The following PCSK5 variants were observed in gnomAD, a reference collection of about 807,000 sequenced individuals.
PCSK5 encodes proprotein convertase subtilisin/kexin type 5, also known as prohormone convertase 5.
A neutral mutation model predicts 233.2 loss-of-function variants in PCSK5; 129 were observed. That is an observed-to-expected ratio of 0.55 (90% CI 0.48 to 0.64). The LOEUF is 0.64. PCSK5 is among the 30% of genes least tolerant of loss of function. PCSK5 has a pLI of 0.00. For missense variants in PCSK5, 2,076 were observed against 2,430.1 expected (o/e 0.85, Z 3.06); for synonymous variants, 825 against 879.2 (o/e 0.94, Z 1.09).
At chr9:76,293,100 T>A (rs889170235) in intron 25 of PCSK5, among the ~76,000 whole-genome samples, 1 of 152,168 alleles carries the variant, frequency 6.6e-6, no homozygotes, top group Non-Finnish European at 1.5e-5. Flanking sequence ...TACTGACAGG[T>A]CTACATTTGC....
At chr9:76,204,115 C>G (rs964233415) in intron 20 of PCSK5, among the ~76,000 whole-genome samples, 2 of 152,090 alleles carry the variant, frequency 1.3e-5, no homozygotes, top group East Asian at 1.9e-4. Context: ...CATTGTTGAT[C>G]CCTCTGCCTC....
intron 2 of PCSK5, among the ~76,000 whole-genome samples, chr9:75,964,226 G>A (rs1825479296): frequency 1.3e-5 from 2 of 152,132 alleles, no homozygotes; most frequent in Admixed American, 1.3e-4. Flanking sequence ...GAATACCAGG[G>A]AAATCTAAAT....
At chr9:76,179,045 A>G (rs1263250757) in intron 14 of PCSK5, among the ~76,000 whole-genome samples, 1 of 152,136 alleles carries the variant, frequency 6.6e-6, no homozygotes, top group Non-Finnish European at 1.5e-5. Context: ...TGTAGGATGC[A>G]ATTTTAAATC....
intron 1 of PCSK5, among the ~76,000 whole-genome samples, chr9:75,930,992 C>A (rs1189091303): frequency 2.6e-5 from 4 of 152,184 alleles, no homozygotes; most frequent in Non-Finnish European, 5.9e-5. Context: ...GCTTCCCCGC[C>A]TGCATTCCCC....
intron 5 of PCSK5, among the ~76,000 whole-genome samples, chr9:76,027,649 C>T (rs1828486189): frequency 6.7e-6 from 1 of 148,678 alleles, no homozygotes; most frequent in South Asian, 2.1e-4. Flanking sequence ...GAATGCAAAT[C>T]AACATTCACA....
At chr9:75,889,965 C>G (rs1242325786), upstream of PCSK5, among the ~76,000 whole-genome samples, 1 of 152,244 alleles carries the variant, frequency 6.6e-6, no homozygotes, top group Non-Finnish European at 1.5e-5. Context: ...TCGTCAGACG[C>G]AATCCAACAA....
At chr9:76,260,351 G>T (rs1053515781) in intron 24 of PCSK5, among the ~76,000 whole-genome samples, 45 of 152,322 alleles carry the variant, frequency 3.0e-4, no homozygotes, top group African/African-American at 1.0e-3. Flanking sequence ...TTGAAGATGA[G>T]ATTAAGGTTA....
At position 76,037,481 on chromosome 9, in the gene PCSK5, G is replaced by GATAAGATAATATTAT. The variant is rs1828913644; in HGVS notation, c.632+10444_632+10445insATAAGATAATATTAT. ...GTTGTTAATATTATTACAGGTGACA[G>GATAAGATAATATTAT]TAAGTAAAGATAAGGTTTTAGTCTA... On this transcript the variant is annotated intron_variant, in intron 5 of 37. Transcript: ENST00000674117. 3.3e-5 allele frequency among the ~76,000 whole-genome samples: 5 copies of GATAAGATAATATTAT among 152,184 alleles called. No homozygotes were observed. The South Asian group carries it at 8.3e-4, about 25-fold the overall frequency.
chr9:76,344,016 A>T (rs1040806983), intron 35 of PCSK5, among the ~76,000 whole-genome samples: 10 of 152,140 alleles, frequency 6.6e-5, no homozygotes, highest in African/African-American at 2.4e-4. Context: ...TGAACATGTA[A>T]TCTACATAAA....
intron 1 of PCSK5, among the ~76,000 whole-genome samples, chr9:75,914,390 T>C (rs924391802): frequency 7.2e-5 from 11 of 152,122 alleles, no homozygotes; most frequent in Admixed American, 6.5e-5. Context: ...TGGTAATTTA[T>C]TTGTCTTGAA....
chr9:76,030,861 A>C (rs1478340891), intron 5 of PCSK5, among the ~76,000 whole-genome samples: 1 of 151,940 alleles, frequency 6.6e-6, no homozygotes, highest in Admixed American at 6.6e-5. Context: ...CATCTGGGGT[A>C]TTCTAGGGTG....
chr9:76,157,237 T>C (rs1458364685), intron 11 of PCSK5, 75 bp downstream of exon 11: 1 of 928,350 alleles, frequency 1.1e-6, no homozygotes, highest in Non-Finnish European at 1.8e-6. Context: ...CAAGACAGCC[T>C]CTTGTTGCAC....
intron 5 of PCSK5, among the ~76,000 whole-genome samples, chr9:76,051,531 T>A (rs1829628456): frequency 6.6e-6 from 1 of 152,142 alleles, no homozygotes; most frequent in South Asian, 2.1e-4. Context: ...GTTCATTACT[T>A]GAAAGTGTTA....
chr9:75,976,347 C>T (rs1352834316), intron 2 of PCSK5, among the ~76,000 whole-genome samples: 1 of 151,664 alleles, frequency 6.6e-6, no homozygotes, highest in Non-Finnish European at 1.5e-5. Context: ...TTCCCTCTCT[C>T]TCTCTTTACA....
At chr9:76,091,529 G>A (rs1564020550) in intron 7 of PCSK5, among the ~76,000 whole-genome samples, 2 of 151,996 alleles carry the variant, frequency 1.3e-5, no homozygotes, top group African/African-American at 2.4e-5. Flanking sequence ...CACACCTTCG[G>A]GACTGTTCTG....
intron 24 of PCSK5, among the ~76,000 whole-genome samples, chr9:76,261,473 C>T (rs2131359891): frequency 6.6e-6 from 1 of 152,204 alleles, no homozygotes; most frequent in East Asian, 1.9e-4. Context: ...TTTTACACAG[C>T]AATAATGTTC....
chr9:75,901,348 A>G (rs1826023933), intron 1 of PCSK5, among the ~76,000 whole-genome samples: 1 of 152,208 alleles, frequency 6.6e-6, no homozygotes. Context: ...GGAAGCCATC[A>G]TTCTCAGCAA....
chr9:75,928,187 C>T (rs1017986584), intron 1 of PCSK5, among the ~76,000 whole-genome samples: 3 of 152,218 alleles, frequency 2.0e-5, no homozygotes, highest in East Asian at 3.9e-4. Context: ...CTTTATGTAG[C>T]TAGCTTTAAG....
chr9:76,077,482 T>C (rs778120070), intron 7 of PCSK5, among the ~76,000 whole-genome samples: 13 of 152,126 alleles, frequency 8.5e-5, no homozygotes, highest in Non-Finnish European at 1.8e-4. Flanking sequence ...CGTGGGTAAA[T>C]TGTGTGATGC....
Sources: gnomAD v4.1 joint callset for allele counts (sites outside exome capture counted in the v4.1 genomes callset) on GRCh38, gnomAD v4.1.1 for gene constraint, MANE v1.5 for transcripts, NCBI Gene and HGNC (gene_info 2026-07-23, HGNC 2026-07-21) for gene names.